The following VEGFB variants were observed in gnomAD, a reference collection of about 807,000 sequenced individuals.
VEGFB encodes the protein VEGF-related factor.
In VEGFB, 24 loss-of-function variants were observed where a neutral mutation model predicts 22.5. The observed-to-expected ratio is 1.07, with a 90% CI of 0.77 to 1.50. The LOEUF is 1.50. Among genes scored for constraint, VEGFB ranks in the 40% most tolerant of loss-of-function variants. The pLI, the probability that VEGFB is intolerant of heterozygous loss-of-function variation, is 0.00. For synonymous variants in VEGFB, 141 were observed against 117.4 expected (o/e 1.20, Z -1.30); for missense variants, 327 against 287.8 (o/e 1.14, Z -0.99).
chr11:64,234,806 C>T lies in VEGFB; in HGVS notation c.-28C>T. 8.9e-7 allele frequency: 1 copy of T among 1,121,068 alleles called. No homozygotes were observed. Among genetic ancestry groups the T allele is most frequent in the Non-Finnish European group, 1.1e-6 (1 of 916,592 alleles). 69.4% of individuals were successfully genotyped at this position (1,121,068 alleles called of 1,614,324 possible). On this transcript the variant is annotated 5_prime_UTR_variant, in exon 1 of 7. Transcript: ENST00000309422. This position sits in a 1 kb window ranked among gnomAD's most constrained non-coding sequence, Gnocchi z 5.3. The stretch of plus-strand genomic sequence containing the variant: ...CCGCCGGGCTAGGGCGATGCGGGCG[C>T]CCCCGGCGGGCGGCCCCGGCGGGCA...
At chr11:64,236,945 T>C (rs1282154294) in intron 4 of VEGFB, among the ~76,000 whole-genome samples, 1 of 147,964 alleles carries the variant, frequency 6.8e-6, no homozygotes, top group African/African-American at 2.5e-5. Context: ...TAGCCGCGCA[T>C]GGTGGCAGGT....
In VEGFB at chr11:64,234,988, A is replaced by G. The variant is rs1795806952; in HGVS notation, c.60+95A>G. On this transcript the variant is annotated intron_variant, in intron 1 of 6. Transcript: ENST00000309422. This position sits in a 1 kb window ranked among gnomAD's most constrained non-coding sequence, Gnocchi z 5.3. ...GCGACCCGCGGCCTCGGCCGAGGGG[A>G]TCTGCGGGGTCCGGCCTTGGACGCG... The G allele has an allele frequency of 5.7e-6, 6 of 1,058,508 alleles. No individual in the cohort carries two copies. The South Asian group carries it at 2.4e-4, about 43-fold the overall frequency. 65.6% of individuals were successfully genotyped at this position (1,058,508 alleles called of 1,614,324 possible).
At position 64,235,418 on chromosome 11, in the gene VEGFB, C is replaced by T. The variant is rs1415863411; in HGVS notation, c.61-40C>T. 2.5e-6 allele frequency: 4 copies of T among 1,607,038 alleles called. No individual in the cohort carries two copies. In the East Asian group the frequency reaches 8.9e-5, roughly 36 times the overall value. Reference sequence around the variant, plus strand: ...GGGACGGTGACAGGGCCACACCCTCCTAAAGTGTACCTTGGGTACAGGTCT... The same window carrying T: ...GGGACGGTGACAGGGCCACACCCTCTTAAAGTGTACCTTGGGTACAGGTCT... On this transcript the variant is annotated intron_variant, in intron 1 of 6. Transcript: ENST00000309422.
Position 64,237,449 on chromosome 11 carries a change from C to T in VEGFB, c.440C>T (p.Pro147Leu). Residue 147 changes from proline (P) to leucine (L), a missense_variant, in exon 6 of 7, where the codon CCC becomes CTC. Physicochemically the swap from Pro to Leu is moderately conservative, Grantham distance 98 (BLOSUM62 -3). Transcript: ENST00000309422. ...GCCACTCCCCACCACCGTCCCCAGC[C>T]CCGTTCTGTTCCGGGCTGGGACTCT... is the stretch of plus-strand genomic sequence containing the variant. ...RAATPHHRPQ[P>L]RSVPGWDSAP... is the part of the protein sequence containing the mutation. 6.2e-7 allele frequency: 1 copy of T among 1,609,112 alleles called. No individual in the cohort carries two copies.
chr11:64,234,635 C>A lies in VEGFB; in HGVS notation c.-199C>A. 1 of 144,864 alleles carries A rather than the reference C, an allele frequency of 6.9e-6. No homozygotes were observed. The highest frequency in any genetic ancestry group is 1.8e-4 in the South Asian group (1 of 5,460). The allele number at this position is 144,864 out of a possible 1,614,324, so 9.0% of individuals were successfully genotyped here. Reference sequence around the variant, plus strand: ...CCACCGGCCGCCCGCCCGCCCGGCTCCTCCGGCCGCCTCCGCTGCGCTGCG... The same window carrying A: ...CCACCGGCCGCCCGCCCGCCCGGCTACTCCGGCCGCCTCCGCTGCGCTGCG... On this transcript the variant is annotated 5_prime_UTR_variant, in exon 1 of 7. Transcript: ENST00000309422. The surrounding 1 kb of genome is among the most constrained non-coding windows in gnomAD (Gnocchi z 5.3).
At position 64,237,083 on chromosome 11, in the gene VEGFB, C is replaced by CGAGAGAGAGAGAGAGAGAGAGAGAG. The variant is rs1555056088; in HGVS notation, c.375-104_375-103insGAGAGAGAGAGAGAGAGAGAGAGAG. On this transcript the variant is annotated intron_variant, in intron 4 of 6. Coordinates refer to ENST00000309422, the MANE Select transcript of VEGFB (RefSeq NM_003377.5). ...GGGCAAGAAGAGGGAAACACAGTCT[C>CGAGAGAGAGAGAGAGAGAGAGAGAG]AAAGAGAGAGAGAGAGAGAGAGAGA... 2.3e-5 allele frequency: 15 copies of CGAGAGAGAGAGAGAGAGAGAGAGAG among 650,508 alleles called. 3 individuals are homozygous for CGAGAGAGAGAGAGAGAGAGAGAGAG. Among genetic ancestry groups the CGAGAGAGAGAGAGAGAGAGAGAGAG allele is most frequent in the African/African-American group, 8.7e-5 (3 of 34,484 alleles). The allele number at this position is 650,508 out of a possible 1,614,324, so 40.3% of individuals were successfully genotyped here.
rs2029939643 is a variant in VEGFB at position 64,235,461 on chromosome 11, CCT to C, written c.65_66del (p.Pro22ArgfsTer5). The C allele has an allele frequency of 4.3e-6, 7 of 1,613,762 alleles. No homozygotes were observed. Among genetic ancestry groups the C allele is most frequent in the East Asian group, 2.2e-5 (1 of 44,896 alleles). The part of the protein sequence containing the change: ...ALLQLAPAQA[P>X]VSQPDAPGHQ... ...ACAGGTCTTTTCTCTCCCACAGGCCCCTGTCTCCCAGCCTGATGCCCCTGGCC... is the reference window on the plus strand; with the variant it reads ...ACAGGTCTTTTCTCTCCCACAGGCCCGTCTCCCAGCCTGATGCCCCTGGCC... On this transcript the variant is annotated frameshift_variant, in exon 2 of 7. Transcript: ENST00000309422. LOFTEE classifies it high-confidence loss of function.
At chr11:64,236,416 C>T (rs573740495) in intron 4 of VEGFB, 89 bp downstream of exon 4, 10 of 1,362,940 alleles carry the variant, frequency 7.3e-6, no homozygotes, top group Non-Finnish European at 9.3e-6. Context: ...GACCAGGTTC[C>T]TAAGAGTAGA....
intron 4 of VEGFB, 103 bp downstream of exon 4, chr11:64,236,430 A>G: frequency 1.7e-6 from 2 of 1,205,580 alleles, no homozygotes; most frequent in Non-Finnish European, 2.4e-6. Flanking sequence ...GAGTAGAACC[A>G]AGGGGCCGGG....
chr11:64,237,082 T>TGAGAGAGAGAGAGAGAGA (rs2030113571), intron 4 of VEGFB, 105 bp from the exon 5 acceptor site: 2 of 616,692 alleles, frequency 3.2e-6, no homozygotes, highest in East Asian at 1.7e-4. Context: ...AAACACAGTC[T>TGAGAGAGAGAGAGAGAGA]CAAAGAGAGA....
At position 64,234,736 on chromosome 11, in the gene VEGFB, G is replaced by T. The variant is rs1434258184; in HGVS notation, c.-98G>T. ...CCCGCGCCCGGCCCCCGCCCGCCGC[G>T]CCCGGGCCCGCGCCATGGGGCTCTG... On this transcript the variant is annotated 5_prime_UTR_variant, in exon 1 of 7. Coordinates refer to ENST00000309422, the MANE Select transcript of VEGFB (RefSeq NM_003377.5). The surrounding 1 kb of genome is among the most constrained non-coding windows in gnomAD (Gnocchi z 5.3). The T allele has an allele frequency of 3.9e-5, 14 of 357,446 alleles. No individual in the cohort carries two copies. Among genetic ancestry groups the T allele is most frequent in the Admixed American group, 6.7e-5 (1 of 14,900 alleles). The allele number at this position is 357,446 out of a possible 1,614,324, so 22.1% of individuals were successfully genotyped here.
chr11:64,237,592 G>GA lies in VEGFB; in HGVS notation c.583_584insA (p.Ala195AspfsTer29). 6.3e-7 allele frequency: 1 copy of GA among 1,592,716 alleles called. No individual in the cohort carries two copies. The highest frequency in any genetic ancestry group is 8.5e-7 in the Non-Finnish European group (1 of 1,174,046). ...GACCCCCGGACCTGCCGCTGCCGCT[G>GA]CCGACGCCGCAGCTTCCTCCGTTGC... On this transcript the variant is annotated frameshift_variant, in exon 6 of 7. Coordinates refer to ENST00000309422, the MANE Select transcript of VEGFB (RefSeq NM_003377.5). LOFTEE classifies it high-confidence loss of function.
At position 64,238,809 on chromosome 11, in the gene VEGFB, G is replaced by T. The variant is rs183788045; in HGVS notation, c.*476G>T. 6.0e-3 allele frequency: 1,263 copies of T among 208,798 alleles called. 12 individuals carry two copies. Among genetic ancestry groups the T allele is most frequent in the Admixed American group, 8.9e-3 (171 of 19,126 alleles). 12.9% of individuals were successfully genotyped at this position (208,798 alleles called of 1,614,324 possible). On this transcript the variant is annotated 3_prime_UTR_variant, in exon 7 of 7. Transcript: ENST00000309422. ...AGGAGCTGTCCCTGCCTGTGTCACT[G>T]TTTGTCACTGTCCAGGCTGGCTGGT... is the stretch of plus-strand genomic sequence containing the variant.
At chr11:64,238,266 T>A in intron 6 of VEGFB, 90 bp from the exon 7 acceptor site, 1 of 1,493,036 alleles carries the variant, frequency 6.7e-7, no homozygotes, top group Non-Finnish European at 9.0e-7. Context: ...GATGCTCAGG[T>A]TGTGATCTTA....
rs1450015070 is a variant in VEGFB at position 64,236,833 on chromosome 11, C to G, written c.375-354C>G. On this transcript the variant is annotated intron_variant, in intron 4 of 6. Transcript: ENST00000309422. ...GTGGCTCACACCTATAATCCCAGCA[C>G]TTTGGGAGGCCCAGGCAGGCAGATC... Among the ~76,000 whole-genome samples, 10 of 149,106 alleles carry G rather than the reference C, an allele frequency of 6.7e-5. No individual in the cohort carries two copies. In the East Asian group the frequency reaches 7.9e-4, roughly 12 times the overall value.
chr11:64,237,187 AC>A lies in VEGFB; in HGVS notation c.377del (p.Pro126LeufsTer8). The A allele has an allele frequency of 6.2e-7, 1 of 1,603,976 alleles. No individual in the cohort carries two copies. The highest frequency in any genetic ancestry group is 1.1e-5 in the South Asian group (1 of 89,618). Reference sequence around the variant, plus strand: ...TGTGTCTGTCTATCTTACTTTTCAGACCTAAAAAAAAGGACAGTGCTGTGAA... The same window carrying A: ...TGTGTCTGTCTATCTTACTTTTCAGACTAAAAAAAAGGACAGTGCTGTGAA... ...LEEHSQCECR[P>X]KKKDSAVKPD... is the part of the protein sequence containing the mutation. On this transcript the variant is annotated frameshift_variant and splice_region_variant, in exon 5 of 7. Transcript: ENST00000309422. LOFTEE classifies it high-confidence loss of function.
At chr11:64,236,160 C>T (rs2029997772) in intron 3 of VEGFB, 94 bp from the exon 4 acceptor site, 6 of 1,548,686 alleles carry the variant, frequency 3.9e-6, no homozygotes, top group Admixed American at 1.7e-5. Context: ...TGGCCAGCCT[C>T]CCGGCTGTTG....
chr11:64,234,923 G>A lies in VEGFB; in HGVS notation c.60+30G>A, dbSNP rs1263777408. 5 of 1,269,712 alleles carry A rather than the reference G, an allele frequency of 3.9e-6. No individual in the cohort carries two copies. The highest frequency in any genetic ancestry group is 5.3e-5 in the South Asian group (2 of 37,672). The allele number at this position is 1,269,712 out of a possible 1,614,324, so 78.7% of individuals were successfully genotyped here. On this transcript the variant is annotated intron_variant, in intron 1 of 6. Coordinates refer to ENST00000309422, the MANE Select transcript of VEGFB (RefSeq NM_003377.5). The surrounding 1 kb of genome is among the most constrained non-coding windows in gnomAD (Gnocchi z 5.3). Reference sequence around the variant, plus strand: ...GTGCGGCCCGACAGCGCGCCCGCCCGCCCGCCGTGCCCTCTCTCAAGGTTG... The same window carrying A: ...GTGCGGCCCGACAGCGCGCCCGCCCACCCGCCGTGCCCTCTCTCAAGGTTG...
chr11:64,235,579 T>G (rs1303436603), intron 2 of VEGFB, 79 bp downstream of exon 2: 3 of 1,449,288 alleles, frequency 2.1e-6, no homozygotes, highest in African/African-American at 2.8e-5. Context: ...TCCATCATCT[T>G]GTGTAACTCC....
Sources: gnomAD v4.1 joint callset for allele counts (sites outside exome capture counted in the v4.1 genomes callset) on GRCh38, gnomAD v4.1.1 for gene constraint, Gnocchi (gnomAD v3.1) non-coding constraint, MANE v1.5 for transcripts, NCBI Gene and HGNC (gene_info 2026-07-23, HGNC 2026-07-21) for gene names.